Variants in NUS1 observed in about 807,000 individuals in gnomAD.
The protein encoded by NUS1 is dehydrodolichyl diphosphate synthase complex subunit NUS1.
For missense variants in NUS1, 292 were observed against 382.9 expected (o/e 0.76, Z 1.98); for synonymous variants, 135 against 155.2 (o/e 0.87, Z 0.97).
intron 1 of NUS1, among the ~76,000 whole-genome samples, chr6:117,688,589 C>T (rs1773173310): frequency 6.6e-6 from 1 of 152,084 alleles, no homozygotes; most frequent in Non-Finnish European, 1.5e-5. Flanking sequence ...GTAAGTTATA[C>T]ACTTAAAGTC....
intron 1 of NUS1, among the ~76,000 whole-genome samples, chr6:117,684,977 C>T (rs764571171): frequency 4.6e-5 from 7 of 152,080 alleles, no homozygotes; most frequent in Non-Finnish European, 7.4e-5. Context: ...ATTGAGAAGT[C>T]GAAATAGTTG....
chr6:117,684,738 A>G (rs945684754), intron 1 of NUS1, among the ~76,000 whole-genome samples: 2 of 152,228 alleles, frequency 1.3e-5, no homozygotes, highest in Admixed American at 6.5e-5. Context: ...CTGAGAGAAT[A>G]TGCAATAGAG....
At chr6:117,694,008 A>G in intron 2 of NUS1, 23 bp from the exon 3 acceptor site, 1 of 1,591,988 alleles carries the variant, frequency 6.3e-7, no homozygotes, top group South Asian at 1.1e-5. Context: ...TTTTTAAAAT[A>G]CATTGTTTGT....
chr6:117,703,703 G>A lies in NUS1; in HGVS notation c.790G>A (p.Val264Ile), dbSNP rs1562183021. ...LPWHIRLTEI[V>I]SLPSHLNISY... ...CTGGCACATCAGATTGACTGAGATT[G>A]TGTAAGTAATTAAAAGCGTACTGAC... Residue 264 changes from valine (V) to isoleucine (I), a missense_variant and splice_region_variant, in exon 4 of 5, where the codon GTC becomes ATC. By Grantham distance (29) the Val-to-Ile change is conservative (BLOSUM62 3). Transcript: ENST00000368494. The A allele has an allele frequency of 3.7e-6, 6 of 1,606,294 alleles. No homozygotes were observed. Among genetic ancestry groups the A allele is most frequent in the Non-Finnish European group, 5.1e-6 (6 of 1,173,030 alleles).
intron 1 of NUS1, among the ~76,000 whole-genome samples, chr6:117,676,295 T>G (rs2114675110): frequency 6.6e-6 from 1 of 152,338 alleles, no homozygotes; most frequent in East Asian, 1.9e-4. Context: ...AAAATATCCC[T>G]TGGCCGGGCG....
chr6:117,676,226 A>C, intron 1 of NUS1, 141 bp downstream of exon 1: 1 of 1,300,822 alleles, frequency 7.7e-7, no homozygotes, highest in Non-Finnish European at 1.0e-6. Context: ...AAGGGAGATC[A>C]GCTTTATTGA....
intron 1 of NUS1, among the ~76,000 whole-genome samples, chr6:117,691,558 GATATATATAT>G (rs60775803): frequency 3.2e-3 from 441 of 136,918 alleles, no homozygotes; most frequent in Middle Eastern, 7.4e-3. Context: ...CATAGATATA[GATATATATAT>G]ATATATATAT....
chr6:117,698,295 A>G (rs563412907), intron 3 of NUS1, among the ~76,000 whole-genome samples: 18 of 152,222 alleles, frequency 1.2e-4, no homozygotes, highest in Non-Finnish European at 2.2e-4. Flanking sequence ...AAGGAAAAAA[A>G]CCAGAAGACC....
chr6:117,680,220 A>G (rs1773039785), intron 1 of NUS1, among the ~76,000 whole-genome samples: 1 of 152,188 alleles, frequency 6.6e-6, no homozygotes, highest in Non-Finnish European at 1.5e-5. Context: ...GTGATCAGGA[A>G]TTTTTTGAGT....
At chr6:117,687,943 G>T (rs561143064) in intron 1 of NUS1, among the ~76,000 whole-genome samples, 2 of 152,152 alleles carry the variant, frequency 1.3e-5, no homozygotes, top group African/African-American at 4.8e-5. Flanking sequence ...AGGCTGGGCC[G>T]GTTGCTCATG....
chr6:117,704,462 G>A (rs535450877), intron 4 of NUS1, among the ~76,000 whole-genome samples: 14 of 152,236 alleles, frequency 9.2e-5, no homozygotes, highest in African/African-American at 2.6e-4. Context: ...CCTCTCTATT[G>A]CATCTATGCA....
intron 3 of NUS1, among the ~76,000 whole-genome samples, chr6:117,702,108 T>C (rs1241209902): frequency 2.0e-5 from 3 of 152,212 alleles, no homozygotes; most frequent in African/African-American, 7.2e-5. Context: ...CATGGATATG[T>C]GAGAGTTTAT....
intron 2 of NUS1, 74 bp downstream of exon 2, chr6:117,693,241 C>T (rs1582471136): frequency 7.1e-7 from 1 of 1,403,152 alleles, no homozygotes. Context: ...ATTTCTGTTA[C>T]TCTGTCATTT....
At chr6:117,699,021 A>G (rs1408031640) in intron 3 of NUS1, among the ~76,000 whole-genome samples, 1 of 152,162 alleles carries the variant, frequency 6.6e-6, no homozygotes, top group Non-Finnish European at 1.5e-5. Flanking sequence ...AATAAAAGCC[A>G]TATATGATGG....
intron 3 of NUS1, among the ~76,000 whole-genome samples, chr6:117,695,267 C>T (rs1773303267): frequency 6.7e-6 from 1 of 150,208 alleles, no homozygotes; most frequent in Non-Finnish European, 1.5e-5. Context: ...CTTAACTCTC[C>T]ATTCTTTGTT....
Position 117,675,583 on chromosome 6 carries a change from G to A in NUS1, c.-88G>A. 2.2e-6 allele frequency: 3 copies of A among 1,375,430 alleles called. No homozygotes were observed. The highest frequency in any genetic ancestry group is 2.0e-6 in the Non-Finnish European group (2 of 1,011,330). 85.2% of individuals were successfully genotyped at this position (1,375,430 alleles called of 1,614,324 possible). A position where few individuals can be genotyped will look rare whatever the true frequency, so the allele number is the denominator to read the frequency against. ...GGGGGCGGGGGGACGCGGAGCGATG[G>A]CCCGCGCCGGCCGCAGGGGCGGATA... is the stretch of plus-strand genomic sequence containing the variant. On this transcript the variant is annotated 5_prime_UTR_variant, in exon 1 of 5. Transcript: ENST00000368494.
At chr6:117,690,792 C>T (rs1773204780) in intron 1 of NUS1, among the ~76,000 whole-genome samples, 1 of 151,894 alleles carries the variant, frequency 6.6e-6, no homozygotes, top group Non-Finnish European at 1.5e-5. Context: ...GAGGTCAAGA[C>T]CATCCTGGCT....
Position 117,675,644 on chromosome 6 carries a change from G to C in NUS1, c.-27G>C, listed in dbSNP as rs1392360766. On this transcript the variant is annotated 5_prime_UTR_variant, in exon 1 of 5. Transcript: ENST00000368494. ...GCGCTGCGGGAGTGGGCGGGAGGGA[G>C]AGGGGGTGTCTGAGGGCCACAAGAG... is the stretch of plus-strand genomic sequence containing the variant. The C allele has an allele frequency of 9.1e-6, 13 of 1,428,560 alleles. No homozygotes were observed. Among genetic ancestry groups the C allele is most frequent in the African/African-American group, 1.4e-5 (1 of 71,104 alleles). 88.5% of individuals were successfully genotyped at this position (1,428,560 alleles called of 1,614,324 possible). A position where few individuals can be genotyped will look rare whatever the true frequency, so the allele number is the denominator to read the frequency against.
chr6:117,697,361 A>G (rs772015719), intron 3 of NUS1, among the ~76,000 whole-genome samples: 5 of 152,026 alleles, frequency 3.3e-5, no homozygotes, highest in Non-Finnish European at 5.9e-5. Context: ...AAAGACATAC[A>G]GTGGGCGGAT....
Sources: allele counts gnomAD v4.1 joint callset (sites outside exome capture counted in the v4.1 genomes callset), GRCh38; gene constraint gnomAD v4.1.1; transcripts MANE v1.5; gene names NCBI Gene and HGNC (gene_info 2026-07-23, HGNC 2026-07-21).